CD86: variants seen among roughly 807,000 people sequenced by gnomAD.
CD86 encodes the protein CD86 molecule, also known as T-lymphocyte activation antigen CD86.
CD86 carries 11 observed loss-of-function variants against 32.1 expected under a neutral mutation model. That is an observed-to-expected ratio of 0.34 (90% CI 0.22 to 0.57). The LOEUF (loss-of-function observed/expected upper bound fraction) is 0.57, where lower values mean the gene tolerates loss of function less well. Ranked by LOEUF, CD86 falls within the 20% of genes least tolerant of loss-of-function variation. The pLI is 0.86. For missense variants in CD86, 359 were observed against 398.4 expected, an observed-to-expected ratio of 0.90 and a Z score of 0.84; for synonymous variants, 137 against 135.3, an observed-to-expected ratio of 1.01 and a Z score of -0.09.
At chr3:122,068,817 A>G (rs2072449551) in intron 1 of CD86, among the ~76,000 whole-genome samples, 1 of 152,238 alleles carries the variant, frequency 6.6e-6, no homozygotes, top group African/African-American at 2.4e-5. Context: ...TAACTAGAAT[A>G]CAGAATTATT....
At chr3:122,092,143 C>T (rs965581158) in intron 2 of CD86, 1 of 154,586 alleles carries the variant, frequency 6.5e-6, no homozygotes, top group African/African-American at 2.4e-5. Flanking sequence ...ACTCCCTTCC[C>T]TACAGCCCAT....
chr3:122,119,524 C>A lies in CD86; in HGVS notation c.980C>A (p.Thr327Lys). Residue 327 changes from threonine to lysine, a missense_variant, in exon 7 of 7, where the codon ACA (threonine) becomes AAA (lysine). Physicochemically the swap from Thr to Lys is moderately conservative, Grantham distance 78. Coordinates refer to ENST00000330540, the MANE Select transcript of CD86 (RefSeq NM_175862.5). The stretch of plus-strand genomic sequence containing the variant: ...ACATCTTCATGCGACAAAAGTGATA[C>A]ATGTTTTTAATTAAAGAGTAAAGCC... Reference protein sequence around the residue: ...SKTSSCDKSDTCF With the variant: ...SKTSSCDKSDKCF 1 of 1,589,300 alleles carries A rather than the reference C, an allele frequency of 6.3e-7. No individual in the cohort carries two copies.
chr3:122,080,460 C>T (rs796947521), intron 1 of CD86, among the ~76,000 whole-genome samples: 30 of 152,274 alleles, frequency 2.0e-4, no homozygotes, highest in African/African-American at 7.2e-4. Context: ...TATGCTCCTT[C>T]TTCTAGGCCA....
In CD86 at chr3:122,089,956, T is replaced by G. The variant is rs1205373362; in HGVS notation, c.15-1645T>G. ...GTATGCTACCATTTGTGCTTAAAAA[T>G]AAAAAGAAAACAGAATATGGGTCAA... On this transcript the variant is annotated intron_variant, in intron 1 of 6. Coordinates refer to ENST00000330540, the MANE Select transcript of CD86 (RefSeq NM_175862.5). Among the ~76,000 whole-genome samples the G allele has an allele frequency of 5.3e-5, 8 of 152,262 alleles. No individual in the cohort carries two copies. In the East Asian group the frequency reaches 1.5e-3, roughly 29 times the overall value.
chr3:122,119,908 A>C lies in CD86; in HGVS notation c.*374A>C. Reference sequence around the variant, plus strand: ...CTCAATTTCTGGAAAACTGCCTTTTATCTGCCCAGAATTCTAAGCTGGTGC... The same window carrying C: ...CTCAATTTCTGGAAAACTGCCTTTTCTCTGCCCAGAATTCTAAGCTGGTGC... On this transcript the variant is annotated 3_prime_UTR_variant, in exon 7 of 7. Transcript: ENST00000330540. 1 of 174,020 alleles carries C rather than the reference A, an allele frequency of 5.7e-6. No individual in the cohort carries two copies. Among genetic ancestry groups the C allele is most frequent in the Non-Finnish European group, 1.2e-5 (1 of 86,342 alleles). The allele number at this position is 174,020 out of a possible 1,614,324, so 10.8% of individuals were successfully genotyped here. A position where few individuals can be genotyped will look rare whatever the true frequency, so the allele number is the denominator to read the frequency against.
chr3:122,103,390 A>C (rs2073040454), intron 2 of CD86, 122 bp from the exon 3 acceptor site: 2 of 682,026 alleles, frequency 2.9e-6, no homozygotes, highest in Non-Finnish European at 4.9e-6. Context: ...CCAGAGCTTA[A>C]TATCTTATTC....
chr3:122,059,075 T>A (rs2072285160), intron 1 of CD86, among the ~76,000 whole-genome samples: 1 of 152,096 alleles, frequency 6.6e-6, no homozygotes, highest in African/African-American at 2.4e-5. Flanking sequence ...GAATTCCTTC[T>A]CTAACATGTT....
At chr3:122,101,512 AAATATAT>A (rs1464827477) in intron 2 of CD86, among the ~76,000 whole-genome samples, 3 of 26,774 alleles carry the variant, frequency 1.1e-4, no homozygotes, top group African/African-American at 3.0e-4. Flanking sequence ...AAAAAAAAAA[AAATATAT>A]ATATATATAT....
rs777329139 is a variant in CD86, at chr3:122,118,105, C to T, written c.893+12C>T. 2 of 1,527,618 alleles carry T rather than the reference C, an allele frequency of 1.3e-6. No individual in the cohort carries two copies. The highest frequency in any genetic ancestry group is 1.1e-5 in the South Asian group (1 of 87,610). 94.6% of individuals were successfully genotyped at this position (1,527,618 alleles called of 1,614,324 possible). A position where few individuals can be genotyped will look rare whatever the true frequency, so the allele number is the denominator to read the frequency against. ...CAGACCAAGAAAAGGTAAATCCTGA[C>T]CCTGAGACATTGATGAGAGAGAGGT... On this transcript the variant is annotated intron_variant, in intron 6 of 6. Coordinates refer to ENST00000330540, the MANE Select transcript of CD86 (RefSeq NM_175862.5).
In CD86 at chr3:122,119,435, C is replaced by T; in HGVS notation, c.894-3C>T. ...CACCTAATCTTTTCTTCTATTTCTC[C>T]AGAGAAAAAATCCATATACCTGAAA... On this transcript the variant is annotated splice_polypyrimidine_tract_variant and splice_region_variant and intron_variant, in intron 6 of 6. Coordinates refer to ENST00000330540, the MANE Select transcript of CD86 (RefSeq NM_175862.5). 1 of 1,573,140 alleles carries T rather than the reference C, an allele frequency of 6.4e-7. No homozygotes were observed. Among genetic ancestry groups the T allele is most frequent in the South Asian group, 1.1e-5 (1 of 88,870 alleles).
chr3:122,106,160 C>G, intron 3 of CD86, 38 bp from the exon 4 acceptor site: 1 of 1,486,484 alleles, frequency 6.7e-7, no homozygotes. Context: ...TACATCTAAA[C>G]TTAGATTGAT....
chr3:122,114,654 T>C (rs1024293805), intron 5 of CD86, among the ~76,000 whole-genome samples: 3 of 152,186 alleles, frequency 2.0e-5, no homozygotes, highest in African/African-American at 7.2e-5. Flanking sequence ...AAAAGTATAA[T>C]ACATCATGAT....
intron 1 of CD86, among the ~76,000 whole-genome samples, chr3:122,064,923 G>T (rs951676474): frequency 3.3e-5 from 5 of 152,184 alleles, no homozygotes; most frequent in African/African-American, 1.2e-4. Flanking sequence ...AGATGAAGAT[G>T]AATCAGATAG....
At chr3:122,080,238 C>G (rs938160267) in intron 1 of CD86, among the ~76,000 whole-genome samples, 1 of 152,078 alleles carries the variant, frequency 6.6e-6, no homozygotes, top group Non-Finnish European at 1.5e-5. Flanking sequence ...AGTGGATGAG[C>G]ACAGACTAGA....
At chr3:122,055,568 T>G in intron 1 of CD86, 65 bp downstream of exon 1, 1 of 1,432,990 alleles carries the variant, frequency 7.0e-7, no homozygotes, top group Non-Finnish European at 9.8e-7. Flanking sequence ...AAGGCTGAGG[T>G]TGAAGATGGT....
chr3:122,103,471 C>T, intron 2 of CD86, 41 bp from the exon 3 acceptor site: 2 of 1,397,666 alleles, frequency 1.4e-6, no homozygotes, highest in Non-Finnish European at 2.0e-6. Context: ...TTCCCCTTTC[C>T]TCTTGTTTCT....
intron 5 of CD86, among the ~76,000 whole-genome samples, chr3:122,109,911 G>A (rs914351530): frequency 1.3e-5 from 2 of 152,136 alleles, no homozygotes; most frequent in Admixed American, 1.3e-4. Context: ...TAATTTCTAA[G>A]TAATACATAT....
chr3:122,056,523 C>A (rs557471547), intron 1 of CD86, among the ~76,000 whole-genome samples: 3 of 152,038 alleles, frequency 2.0e-5, no homozygotes, highest in African/African-American at 7.2e-5. Flanking sequence ...TTGGTAGAGA[C>A]GGGGTCCACC....
At chr3:122,080,886 C>T (rs546588224) in intron 1 of CD86, among the ~76,000 whole-genome samples, 2 of 152,228 alleles carry the variant, frequency 1.3e-5, no homozygotes, top group South Asian at 2.1e-4. Context: ...CATGTTCCAT[C>T]GAGGCAGCCC....
Sources: gnomAD v4.1 joint callset for allele counts (sites outside exome capture counted in the v4.1 genomes callset) on GRCh38, gnomAD v4.1.1 for gene constraint, MANE v1.5 for transcripts, NCBI Gene and HGNC (gene_info 2026-07-23, HGNC 2026-07-21) for gene names.